Variants in ZIM2 observed in about 807,000 individuals in gnomAD.
ZIM2 encodes zinc finger imprinted 2, also known as zinc finger protein 656.
ZIM2 carries 14 observed loss-of-function variants against 38.6 expected under a neutral mutation model. The observed-to-expected ratio is 0.36, with a 90% CI of 0.24 to 0.57. The LOEUF (loss-of-function observed/expected upper bound fraction) is 0.57, where lower values mean the gene tolerates loss of function less well. Ranked by LOEUF, ZIM2 falls within the 20% of genes least tolerant of loss-of-function variation. The pLI, the probability that ZIM2 is intolerant of heterozygous loss-of-function variation, is 0.81. For synonymous variants in ZIM2, 247 were observed against 245.8 expected (o/e 1.00, Z -0.04); for missense variants, 680 against 695.1 (o/e 0.98, Z 0.24).
At chr19:56,839,385 A>C (rs2062679315) in intron 1 of ZIM2, among the ~76,000 whole-genome samples, 1 of 150,864 alleles carries the variant, frequency 6.6e-6, no homozygotes, top group African/African-American at 2.5e-5. Flanking sequence ...TGCACAGCAA[A>C]CCTCAGCAGC....
rs572906294 is a variant in ZIM2, at chr19:56,774,575, G to C, written c.*113C>G. On this transcript the variant is annotated 3_prime_UTR_variant, in exon 13 of 13. Coordinates refer to ENST00000629319, the MANE Select transcript of ZIM2 (RefSeq NM_001387356.1). ...TTTTTTTTTTTTACCACACTTTGAT[G>C]AATGTTCAAGTTGTTAACAAGGTGG... 61 of 1,348,718 alleles carry C rather than the reference G, an allele frequency of 4.5e-5. No individual in the cohort carries two copies. The African/African-American group carries it at 8.2e-4, about 18-fold the overall frequency. 83.5% of individuals were successfully genotyped at this position (1,348,718 alleles called of 1,614,324 possible). A position where few individuals can be genotyped will look rare whatever the true frequency, so the allele number is the denominator to read the frequency against.
intron 2 of ZIM2, among the ~76,000 whole-genome samples, chr19:56,828,214 G>T (rs982308942): frequency 2.6e-5 from 4 of 152,076 alleles, no homozygotes; most frequent in African/African-American, 9.7e-5. Context: ...TGAATCCATA[G>T]TCATACCCTA....
rs148497448 is a variant in ZIM2, at chr19:56,812,224, G to A, written c.490+5522C>T. 574 of 981,358 alleles carry A rather than the reference G, an allele frequency of 5.8e-4. 1 individual carries two copies. The African/African-American group carries it at 9.4e-3, about 16-fold the overall frequency. 60.8% of individuals were successfully genotyped at this position (981,358 alleles called of 1,614,324 possible). On this transcript the variant is annotated intron_variant, in intron 9 of 12. Coordinates refer to ENST00000629319, the MANE Select transcript of ZIM2 (RefSeq NM_001387356.1). The stretch of plus-strand genomic sequence containing the variant: ...GGGGAGGGGAAGCAAAGGAGCACAG[G>A]TAGTCCACAGAATAGGACACAAGAA...
intron 9 of ZIM2, chr19:56,815,915 G>A: frequency 1.2e-6 from 2 of 1,610,588 alleles, no homozygotes; most frequent in Non-Finnish European, 1.7e-6. Context: ...CTTCTTGGAG[G>A]TTTGGAAGCC....
chr19:56,775,073 C>A lies in ZIM2; in HGVS notation c.1292G>T (p.Cys431Phe). Residue 431 changes from cysteine (C) to phenylalanine (F), a missense_variant, in exon 13 of 13, where the codon TGT becomes TTT. Cys to Phe is a radical substitution (Grantham distance 205). Transcript: ENST00000629319. ...CTGACTGTGAATTCTTACACGTTCACAGAGATTCGCACACTGGACGGAAGG... is the reference window on the plus strand; with the variant it reads ...CTGACTGTGAATTCTTACACGTTCAAAGAGATTCGCACACTGGACGGAAGG... ...RKPSVQCANL[C>F]ERVRIHSQED... The A allele has an allele frequency of 6.2e-7, 1 of 1,614,164 alleles. No individual in the cohort carries two copies. Among genetic ancestry groups the A allele is most frequent in the South Asian group, 1.1e-5 (1 of 91,082 alleles).
At chr19:56,778,411 CTG>C (rs1274873819) in intron 12 of ZIM2, among the ~76,000 whole-genome samples, 1 of 152,256 alleles carries the variant, frequency 6.6e-6, no homozygotes, top group South Asian at 2.1e-4. Flanking sequence ...TGGAGGAGGG[CTG>C]TGTCAATCAG....
chr19:56,810,837 ATTTAC>A lies in ZIM2; in HGVS notation c.490+6904_490+6908del, dbSNP rs570232941. The A allele has an allele frequency of 2.4e-3, 2,354 of 968,334 alleles. 3 individuals carry two copies. Among genetic ancestry groups the A allele is most frequent in the African/African-American group, 0.01 (598 of 56,972 alleles). 60.0% of individuals were successfully genotyped at this position (968,334 alleles called of 1,614,324 possible). A position where few individuals can be genotyped will look rare whatever the true frequency, so the allele number is the denominator to read the frequency against. ...GGAATATAGGTAATTTTTTAAAATA[ATTTAC>A]TTTATTTTCTAATTTTTCCTCTGGG... is the stretch of plus-strand genomic sequence containing the variant. On this transcript the variant is annotated intron_variant, in intron 9 of 12. Coordinates refer to ENST00000629319, the MANE Select transcript of ZIM2 (RefSeq NM_001387356.1).
chr19:56,835,490 C>T (rs2062000402), intron 2 of ZIM2, among the ~76,000 whole-genome samples: 1 of 152,192 alleles, frequency 6.6e-6, no homozygotes, highest in Non-Finnish European at 1.5e-5. Context: ...TCCTTCAGGG[C>T]TCAGCTTTAA....
At position 56,822,871 on chromosome 19, in the gene ZIM2, C is replaced by T. The variant is rs1238018580; in HGVS notation, c.107-35G>A. The T allele has an allele frequency of 6.2e-6, 10 of 1,600,608 alleles. 1 individual carries two copies. The highest frequency in any genetic ancestry group is 8.5e-6 in the Non-Finnish European group (10 of 1,173,490). On this transcript the variant is annotated intron_variant, in intron 5 of 12. Coordinates refer to ENST00000629319, the MANE Select transcript of ZIM2 (RefSeq NM_001387356.1). ...TGAGACATTCCAGTGGTTAACAAAG[C>T]TCTTTGACACACCTGTTTTCCCTGC...
intron 9 of ZIM2, among the ~76,000 whole-genome samples, chr19:56,797,759 G>T (rs868483393): frequency 7.9e-5 from 12 of 152,152 alleles, no homozygotes; most frequent in Non-Finnish European, 1.6e-4. Context: ...ACTTTTGGGG[G>T]ATTGGAAGAA....
intron 9 of ZIM2, among the ~76,000 whole-genome samples, chr19:56,805,534 T>C (rs930430161): frequency 3.3e-5 from 5 of 152,122 alleles, no homozygotes; most frequent in African/African-American, 9.7e-5. Context: ...AACCAGAAAG[T>C]ATTCAGTGGG....
intron 10 of ZIM2, among the ~76,000 whole-genome samples, chr19:56,785,203 G>C (rs1209390525): frequency 6.6e-6 from 1 of 152,102 alleles, no homozygotes; most frequent in East Asian, 1.9e-4. Context: ...ATATGGGACA[G>C]GCACTCCCCC....
intron 10 of ZIM2, among the ~76,000 whole-genome samples, chr19:56,783,839 A>G (rs2046452317): frequency 6.6e-6 from 1 of 152,198 alleles, no homozygotes; most frequent in South Asian, 2.1e-4. Context: ...TAAAAGTGAA[A>G]AAAAAAGATA....
rs760442016 is a variant in ZIM2 at position 56,814,562 on chromosome 19, G to A, written c.490+3184C>T. ...GTTACGTGATCTGCAAGTTCTGCTG[G>A]GTTGACGAAAGATTCTCCACAGACT... On this transcript the variant is annotated intron_variant, in intron 9 of 12. Transcript: ENST00000629319. The surrounding 1 kb of genome is among the most constrained non-coding windows in gnomAD (Gnocchi z 5.8). 1.9e-4 allele frequency: 304 copies of A among 1,613,722 alleles called. No individual in the cohort carries two copies. The highest frequency in any genetic ancestry group is 2.4e-4 in the Non-Finnish European group (287 of 1,179,856).
intron 9 of ZIM2, chr19:56,799,677 T>A (rs183715057): frequency 8.5e-5 from 13 of 152,174 alleles, no homozygotes; most frequent in Non-Finnish European, 1.6e-4. Context: ...TTTTTAAGTA[T>A]TTACCCAAGA....
At chr19:56,831,241 T>C (rs2146527832) in intron 2 of ZIM2, among the ~76,000 whole-genome samples, 1 of 152,312 alleles carries the variant, frequency 6.6e-6, no homozygotes, top group East Asian at 1.9e-4. Context: ...CACTGGGACA[T>C]AACAGAGTCC....
chr19:56,788,045 A>T (rs912966820), intron 10 of ZIM2, among the ~76,000 whole-genome samples: 3 of 149,412 alleles, frequency 2.0e-5, no homozygotes, highest in African/African-American at 7.3e-5. Context: ...TCTTTTCAAA[A>T]AACCAGCTCC....
At chr19:56,830,902 G>T (rs2146520267) in intron 2 of ZIM2, among the ~76,000 whole-genome samples, 1 of 151,810 alleles carries the variant, frequency 6.6e-6, no homozygotes, top group African/African-American at 2.4e-5. Context: ...ATTCCAGCCT[G>T]GGTGACAGAA....
intron 6 of ZIM2, among the ~76,000 whole-genome samples, chr19:56,822,095 G>C (rs949668097): frequency 1.3e-5 from 2 of 152,196 alleles, no homozygotes; most frequent in African/African-American, 4.8e-5. Context: ...ATGTGTGACA[G>C]GGAGATGGCA....
Sources: allele counts gnomAD v4.1 joint callset (sites outside exome capture counted in the v4.1 genomes callset), GRCh38; gene constraint gnomAD v4.1.1; non-coding constraint Gnocchi (gnomAD v3.1); transcripts MANE v1.5; gene names NCBI Gene and HGNC (gene_info 2026-07-23, HGNC 2026-07-21).